MINDY2: variants seen among roughly 807,000 people sequenced by gnomAD.
MINDY2 encodes ubiquitin carboxyl-terminal hydrolase MINDY-2.
MINDY2 carries 52 observed loss-of-function variants against 68.2 expected under a neutral mutation model. The ratio of observed to expected loss-of-function variants is 0.76; its 90% CI spans 0.61 to 0.96. The LOEUF is 0.96. Among genes scored for constraint, MINDY2 ranks in the 40% least tolerant of loss-of-function variants. The pLI is 0.00. For synonymous variants in MINDY2, 372 were observed against 303.0 expected, an observed-to-expected ratio of 1.23 and a Z score of -2.36; for missense variants, 881 against 773.4, an observed-to-expected ratio of 1.14 and a Z score of -1.65.
At chr15:58,808,863 CA>C (rs2030012418) in intron 3 of MINDY2, among the ~76,000 whole-genome samples, 1 of 152,194 alleles carries the variant, frequency 6.6e-6, no homozygotes, top group South Asian at 2.1e-4. Flanking sequence ...CTCAGCCTCC[CA>C]AAGTGCTGGG....
Position 58,845,983 on chromosome 15 carries a change from G to A in MINDY2, c.1369-1314G>A, listed in dbSNP as rs535418170. On this transcript the variant is annotated intron_variant, in intron 6 of 8. Transcript: ENST00000559228. Reference sequence around the variant, plus strand: ...TTCGCATGTTCTTTCTTATTTTTGCGGGCTAGAAATTAAAACAATTGAGCT... The same window carrying A: ...TTCGCATGTTCTTTCTTATTTTTGCAGGCTAGAAATTAAAACAATTGAGCT... 1.6e-4 allele frequency among the ~76,000 whole-genome samples: 24 copies of A among 151,928 alleles called. No individual in the cohort carries two copies. In the East Asian group the frequency reaches 2.1e-3, roughly 13 times the overall value.
intron 4 of MINDY2, among the ~76,000 whole-genome samples, chr15:58,818,004 A>G (rs1235795355): frequency 1.3e-5 from 2 of 152,236 alleles, no homozygotes; most frequent in African/African-American, 2.4e-5. Flanking sequence ...ATAGCCATCA[A>G]AAGACAAATG....
At chr15:58,790,807 C>G (rs1449119713) in intron 2 of MINDY2, among the ~76,000 whole-genome samples, 1 of 152,000 alleles carries the variant, frequency 6.6e-6, no homozygotes, top group Non-Finnish European at 1.5e-5. Flanking sequence ...AATAGGAAAA[C>G]TGAAGCAGGA....
chr15:58,802,304 T>C lies in MINDY2; in HGVS notation c.899-9T>C, dbSNP rs371209026. The C allele has an allele frequency of 6.0e-5, 93 of 1,562,014 alleles. No homozygotes were observed. In the African/African-American group the frequency reaches 1.2e-3, roughly 21 times the overall value. The stretch of plus-strand genomic sequence containing the variant: ...AGGCAATTTTACAATTCTTTTTTTT[T>C]TTTTACAGGAGATTACATGCTTGAT... On this transcript the variant is annotated splice_polypyrimidine_tract_variant and intron_variant, in intron 2 of 8. Transcript: ENST00000559228.
chr15:58,789,722 A>C (rs1901760708), intron 2 of MINDY2, among the ~76,000 whole-genome samples: 1 of 151,874 alleles, frequency 6.6e-6, no homozygotes, highest in African/African-American at 2.4e-5. Context: ...ATCTCAGCTC[A>C]CCGCAACCTC....
At chr15:58,774,922 G>A (rs1301593553) in intron 1 of MINDY2, among the ~76,000 whole-genome samples, 1 of 152,168 alleles carries the variant, frequency 6.6e-6, no homozygotes, top group African/African-American at 2.4e-5. Flanking sequence ...AGATTATTTT[G>A]TAAATCTGTG....
At chr15:58,807,538 A>AT (rs1903113093) in intron 3 of MINDY2, among the ~76,000 whole-genome samples, 1 of 151,316 alleles carries the variant, frequency 6.6e-6, no homozygotes, top group African/African-American at 2.4e-5. Flanking sequence ...AGTTTTTTGT[A>AT]TTTTTTAGTA....
At position 58,799,875 on chromosome 15, in the gene MINDY2, G is replaced by A. The variant is rs576505533; in HGVS notation, c.899-2438G>A. 5.9e-5 allele frequency among the ~76,000 whole-genome samples: 9 copies of A among 152,278 alleles called. No individual in the cohort carries two copies. In the South Asian group the frequency reaches 1.9e-3, roughly 32 times the overall value. Reference sequence around the variant, plus strand: ...GAGATGTAGGGAGAAGGCAGGAAATGGGCAGGAATATGAAACTCAACATAA... The same window carrying A: ...GAGATGTAGGGAGAAGGCAGGAAATAGGCAGGAATATGAAACTCAACATAA... On this transcript the variant is annotated intron_variant, in intron 2 of 8. Transcript: ENST00000559228.
intron 4 of MINDY2, among the ~76,000 whole-genome samples, chr15:58,821,196 T>C (rs535549099): frequency 2.0e-5 from 3 of 151,922 alleles, no homozygotes; most frequent in African/African-American, 7.2e-5. Context: ...GAAAATAACA[T>C]TAGTTATCTC....
In MINDY2 at chr15:58,847,890, A is replaced by G. The variant is rs368088728; in HGVS notation, c.1542+420A>G. 5.9e-5 allele frequency among the ~76,000 whole-genome samples: 9 copies of G among 152,316 alleles called. No homozygotes were observed. In the East Asian group the frequency reaches 9.6e-4, roughly 16 times the overall value. ...GTGGTAGAGATGAAGAGATGAGCACATATCTGAGCTATATTTTGACTAGTT... is the reference window on the plus strand; with the variant it reads ...GTGGTAGAGATGAAGAGATGAGCACGTATCTGAGCTATATTTTGACTAGTT... On this transcript the variant is annotated intron_variant, in intron 7 of 8. Transcript: ENST00000559228.
At chr15:58,854,429 G>A (rs1320229558) in intron 8 of MINDY2, 53 bp from the exon 9 acceptor site, 2 of 1,570,608 alleles carry the variant, frequency 1.3e-6, no homozygotes, top group African/African-American at 1.4e-5. Flanking sequence ...ATAACCATGA[G>A]TAAGTCCCTC....
At position 58,847,304 on chromosome 15, in the gene MINDY2, T is replaced by TTAATAA; in HGVS notation, c.1376_1377insTAATAA (p.Leu459_Tyr460insAsnLys). The TTAATAA allele has an allele frequency of 6.4e-7, 1 of 1,569,708 alleles. No individual in the cohort carries two copies. The highest frequency in any genetic ancestry group is 2.3e-5 in the East Asian group (1 of 43,864). ...TTGTTACTTCTTATTAAGGGTCAAC[T>TTAATAA]GTATTTGTTGGTAACGGACCAGGGG... On this transcript the variant is annotated inframe_insertion, in exon 7 of 9. Coordinates refer to ENST00000559228, the MANE Select transcript of MINDY2 (RefSeq NM_001040450.3).
chr15:58,802,105 C>CA (rs11463341), intron 2 of MINDY2, among the ~76,000 whole-genome samples: 122,029 of 151,930 alleles, frequency 0.8, 49,454 homozygotes, highest in African/African-American at 0.88. Context: ...GTAAAAAGTT[C>CA]AAAGCACTAT....
At position 58,854,560 on chromosome 15, in the gene MINDY2, G is replaced by GA; in HGVS notation, c.1821dup (p.Asp608ArgfsTer2). 6.2e-7 allele frequency: 1 copy of GA among 1,613,122 alleles called. No individual in the cohort carries two copies. Among genetic ancestry groups the GA allele is most frequent in the Non-Finnish European group, 8.5e-7 (1 of 1,179,774 alleles). ...TGAACGTAAACGGAAGGAACCACGA[G>GA]AAAAAGATAAAGAAAAAGAAAAGGA... is the stretch of plus-strand genomic sequence containing the variant. On this transcript the variant is annotated frameshift_variant, in exon 9 of 9. Transcript: ENST00000559228. LOFTEE classifies it high-confidence loss of function.
chr15:58,846,413 G>A (rs1309564143), intron 6 of MINDY2, among the ~76,000 whole-genome samples: 2 of 152,052 alleles, frequency 1.3e-5, no homozygotes, highest in Non-Finnish European at 2.9e-5. Flanking sequence ...CTAACACGGT[G>A]AAACTCTGTC....
intron 6 of MINDY2, among the ~76,000 whole-genome samples, chr15:58,834,261 A>G (rs906078623): frequency 2.6e-5 from 4 of 152,176 alleles, no homozygotes; most frequent in Non-Finnish European, 2.9e-5. Flanking sequence ...CTGCACAGAC[A>G]CAGTAACAAT....
intron 2 of MINDY2, among the ~76,000 whole-genome samples, chr15:58,791,620 A>ATGTGTGTGTGTGTGTGTG (rs1491325995): frequency 2.5e-5 from 2 of 80,782 alleles, no homozygotes; most frequent in Non-Finnish European, 5.2e-5. Context: ...CTGTCTCAAA[A>ATGTGTGTGTGTGTGTGTG]TATGTGTGTG....
At chr15:58,836,095 A>G (rs146367123) in intron 6 of MINDY2, among the ~76,000 whole-genome samples, 4,929 of 152,124 alleles carry the variant, frequency 0.032, 282 homozygotes, top group African/African-American at 0.11. Flanking sequence ...TATTTTTAGT[A>G]GAGACAGGGT....
intron 7 of MINDY2, among the ~76,000 whole-genome samples, 174 bp downstream of exon 7, chr15:58,847,644 T>C (rs942265145): frequency 6.6e-6 from 1 of 152,252 alleles, no homozygotes; most frequent in African/African-American, 2.4e-5. Flanking sequence ...TTATGTACTT[T>C]GGTGCAGAAG....
Sources: allele counts gnomAD v4.1 joint callset (sites outside exome capture counted in the v4.1 genomes callset), GRCh38; gene constraint gnomAD v4.1.1; transcripts MANE v1.5; gene names NCBI Gene and HGNC (gene_info 2026-07-23, HGNC 2026-07-21).